Variants in GPRC5B observed in about 807,000 individuals in gnomAD.
GPRC5B encodes the protein G protein-coupled receptor family C group 5 member B.
A neutral mutation model predicts 30.1 loss-of-function variants in GPRC5B; 16 were observed. That is an observed-to-expected ratio of 0.53 (90% CI 0.36 to 0.81). The LOEUF (loss-of-function observed/expected upper bound fraction) is 0.81, where lower values mean the gene tolerates loss of function less well. Among genes scored for constraint, GPRC5B ranks in the 30% least tolerant of loss-of-function variants. The probability of loss-of-function intolerance (pLI) is 0.01; values close to 1 mark genes in which losing one functional copy is unlikely to be tolerated. For synonymous variants in GPRC5B, 241 were observed against 239.5 expected (o/e 1.01, Z -0.06); for missense variants, 428 against 544.7 (o/e 0.79, Z 2.13).
rs1223160296 is a variant in GPRC5B, at chr16:19,872,357, C to A, written c.489G>T (p.Val163=). 9.9e-6 allele frequency: 16 copies of A among 1,613,714 alleles called. 1 individual carries two copies. The South Asian group carries it at 1.5e-4, about 16-fold the overall frequency. ...HGTGPAGWQL[V]GLALCLMLVQ... ...CCAGCATCAGGCACAGCGCCAGGCC[C>A]ACCAGCTGCCAGCCCGCGGGGCCCG... Residue 163 remains valine (V), a synonymous_variant, in exon 2 of 4, where the codon GTG becomes GTT. Transcript: ENST00000300571. The surrounding 1 kb of genome is among the most constrained non-coding windows in gnomAD (Gnocchi z 5.0).
intron 1 of GPRC5B, among the ~76,000 whole-genome samples, chr16:19,880,323 C>T (rs900594553): frequency 1.3e-5 from 2 of 151,154 alleles, no homozygotes; most frequent in Non-Finnish European, 2.9e-5. Flanking sequence ...GGTTTCCAAG[C>T]TCATGCCTGT....
intron 1 of GPRC5B, among the ~76,000 whole-genome samples, chr16:19,880,139 TAATAATAATAAAATAAAATA>T (rs1462489324): frequency 1.3e-5 from 2 of 151,162 alleles, no homozygotes; most frequent in African/African-American, 2.4e-5. Context: ...GCTCAAAATA[TAATAATAATAAAATAAAATA>T]AATAATAATA....
Position 19,859,719 on chromosome 16 carries a change from A to G in GPRC5B, c.*781T>C, listed in dbSNP as rs1433551426. ...GGCGAGATGATCAAGGGAAGAAGGG[A>G]CTGCTGCCCCAAGCCAGAATATTTC... On this transcript the variant is annotated 3_prime_UTR_variant, in exon 4 of 4. Transcript: ENST00000300571. 2 of 152,714 alleles carry G rather than the reference A, an allele frequency of 1.3e-5. No individual in the cohort carries two copies. Among genetic ancestry groups the G allele is most frequent in the Admixed American group, 1.3e-4 (2 of 15,280 alleles). 9.5% of individuals were successfully genotyped at this position (152,714 alleles called of 1,614,324 possible). A position where few individuals can be genotyped will look rare whatever the true frequency, so the allele number is the denominator to read the frequency against.
chr16:19,872,054 C>T lies in GPRC5B; in HGVS notation c.792G>A (p.Gly264=). ...YLFGNVKLQQ[G]DAWNDPTLAI... ...CCAAGGTGGGGTCGTTCCAGGCATC[C>T]CCCTGCTGCAGCTTGACATTGCCGA... is the stretch of plus-strand genomic sequence containing the variant. Residue 264 remains glycine, a synonymous_variant, in exon 2 of 4, where the codon GGG becomes GGA. Coordinates refer to ENST00000300571, the MANE Select transcript of GPRC5B (RefSeq NM_016235.3). The surrounding 1 kb of genome is among the most constrained non-coding windows in gnomAD (Gnocchi z 5.0). 6.2e-7 allele frequency: 1 copy of T among 1,614,024 alleles called. No individual in the cohort carries two copies. The highest frequency in any genetic ancestry group is 1.3e-5 in the African/African-American group (1 of 75,032).
intron 2 of GPRC5B, among the ~76,000 whole-genome samples, chr16:19,870,757 G>A (rs765368344): frequency 3.8e-4 from 58 of 152,166 alleles, no homozygotes; most frequent in Non-Finnish European, 7.5e-4. Context: ...AATAGAGAGC[G>A]GTAGAGAGTG....
chr16:19,878,194 G>A (rs911016356), intron 1 of GPRC5B, among the ~76,000 whole-genome samples: 6 of 106,274 alleles, frequency 5.6e-5, no homozygotes, highest in African/African-American at 8.5e-5. Flanking sequence ...GTGAGACTCC[G>A]TCTTAAAAAC....
intron 2 of GPRC5B, among the ~76,000 whole-genome samples, chr16:19,870,425 T>G (rs560827209): frequency 6.6e-6 from 1 of 152,350 alleles, no homozygotes; most frequent in Admixed American, 6.5e-5. Context: ...TTGTACTCAC[T>G]GTGTTCCTTC....
At position 19,872,393 on chromosome 16, in the gene GPRC5B, C is replaced by T. The variant is rs1231039565; in HGVS notation, c.453G>A (p.Val151=). The T allele has an allele frequency of 6.2e-7, 1 of 1,613,504 alleles. No homozygotes were observed. Among genetic ancestry groups the T allele is most frequent in the South Asian group, 1.1e-5 (1 of 91,036 alleles). Residue 151 remains valine, a synonymous_variant, in exon 2 of 4, where the codon GTG becomes GTA. Transcript: ENST00000300571. This position sits in a 1 kb window ranked among gnomAD's most constrained non-coding sequence, Gnocchi z 5.0. ...LSQAWRVRRL[V]RHGTGPAGWQ... ...AGCCCGCGGGGCCCGTGCCATGCCGCACCAGCCTCCGCACGCGCCATGCCT... is the reference window on the plus strand; with the variant it reads ...AGCCCGCGGGGCCCGTGCCATGCCGTACCAGCCTCCGCACGCGCCATGCCT...
intron 2 of GPRC5B, chr16:19,862,485 T>C (rs2056634429): frequency 6.6e-6 from 1 of 152,380 alleles, no homozygotes; most frequent in Admixed American, 6.5e-5. Context: ...CAAGATGGCA[T>C]GTCGGCACTT....
At chr16:19,865,353 T>A (rs988846016) in intron 2 of GPRC5B, among the ~76,000 whole-genome samples, 8 of 152,206 alleles carry the variant, frequency 5.3e-5, no homozygotes, top group African/African-American at 1.7e-4. Flanking sequence ...TCCACTGGTC[T>A]ACCTTTCTGG....
At position 19,858,495 on chromosome 16, in the gene GPRC5B, G is replaced by C. The variant is rs2056592271; in HGVS notation, c.*2005C>G. ...TGTGAATTGCTCCATCGTGTGAATG[G>C]TATCAGAAAGCTCCAAAGGACTCCA... On this transcript the variant is annotated 3_prime_UTR_variant, in exon 4 of 4. Coordinates refer to ENST00000300571, the MANE Select transcript of GPRC5B (RefSeq NM_016235.3). The C allele has an allele frequency of 1.4e-6, 1 of 693,938 alleles. No individual in the cohort carries two copies. The highest frequency in any genetic ancestry group is 1.8e-5 in the African/African-American group (1 of 56,816). 43.0% of individuals were successfully genotyped at this position (693,938 alleles called of 1,614,324 possible). A position where few individuals can be genotyped will look rare whatever the true frequency, so the allele number is the denominator to read the frequency against.
chr16:19,872,163 C>G lies in GPRC5B; in HGVS notation c.683G>C (p.Arg228Thr), dbSNP rs1448419170. Reference protein sequence around the residue: ...ALFTLCGKFKRWKLNGAFLLI... With the variant: ...ALFTLCGKFKTWKLNGAFLLI... ...GAGGAAGGCCCCGTTCAGCTTCCAC[C>G]TCTTGAACTTGCCGCACAGAGTGAA... is the stretch of plus-strand genomic sequence containing the variant. The change falls in exon 2 of 4, where the codon AGG (arginine) becomes ACG (threonine). Residue 228 changes from arginine to threonine, a missense_variant. Arg to Thr is a moderately conservative substitution (Grantham distance 71). Coordinates refer to ENST00000300571, the MANE Select transcript of GPRC5B (RefSeq NM_016235.3). This position sits in a 1 kb window ranked among gnomAD's most constrained non-coding sequence, Gnocchi z 5.0. The G allele has an allele frequency of 6.2e-7, 1 of 1,614,160 alleles. No homozygotes were observed. The highest frequency in any genetic ancestry group is 1.1e-5 in the South Asian group (1 of 91,070).
In GPRC5B at chr16:19,871,968, T is replaced by C. The variant is rs2056723531; in HGVS notation, c.878A>G (p.His293Arg). 2.5e-6 allele frequency: 4 copies of C among 1,613,858 alleles called. No homozygotes were observed. Among genetic ancestry groups the C allele is most frequent in the Non-Finnish European group, 3.4e-6 (4 of 1,179,994 alleles). The change falls in exon 2 of 4, where the codon CAC becomes CGC. Residue 293 changes from histidine to arginine, a missense_variant. His to Arg is a conservative substitution (Grantham distance 29). This residue lies in a region of GPRC5B where 213 missense variants were observed against 229.1 expected (regional missense o/e 0.93). Transcript: ENST00000300571. ...CTGCAGGGCTGGCAGAAGGGTGCAGTGGATCTCAGGGATGGCGTGGAAGAT... is the reference window on the plus strand; with the variant it reads ...CTGCAGGGCTGGCAGAAGGGTGCAGCGGATCTCAGGGATGGCGTGGAAGAT... ...FVIFHAIPEI[H>R]CTLLPALQEN...
chr16:19,883,813 G>A (rs1422742805), intron 1 of GPRC5B, among the ~76,000 whole-genome samples: 2 of 152,244 alleles, frequency 1.3e-5, no homozygotes, highest in African/African-American at 4.8e-5. Flanking sequence ...GAGTGAACCC[G>A]CTGCACGGGG....
chr16:19,863,927 G>C (rs975781339), intron 2 of GPRC5B, among the ~76,000 whole-genome samples: 4 of 151,872 alleles, frequency 2.6e-5, no homozygotes, highest in Non-Finnish European at 4.4e-5. Flanking sequence ...TCCTGAAACC[G>C]CCCCCCAACC....
intron 1 of GPRC5B, among the ~76,000 whole-genome samples, chr16:19,884,326 A>G (rs976746460): frequency 6.7e-6 from 1 of 149,972 alleles, no homozygotes; most frequent in Admixed American, 6.6e-5. Context: ...TCAGCCCCCA[A>G]CGCGGCCCCA....
chr16:19,870,815 A>G (rs1026127936), intron 2 of GPRC5B, among the ~76,000 whole-genome samples: 1 of 152,224 alleles, frequency 6.6e-6, no homozygotes, highest in Non-Finnish European at 1.5e-5. Context: ...CCACAAGTCC[A>G]GGAGGGGCCA....
In GPRC5B at chr16:19,863,252, G is replaced by A. The variant is rs186554377; in HGVS notation, c.1031-1279C>T. ...AGCTCACTGCAGCCTTGAACTCCCA[G>A]GCTCAAGTGGTCCTCCTGCCTCAAC... On this transcript the variant is annotated intron_variant, in intron 2 of 3. Transcript: ENST00000300571. 1.1e-4 allele frequency among the ~76,000 whole-genome samples: 16 copies of A among 151,654 alleles called. 1 individual carries two copies. The East Asian group carries it at 3.1e-3, about 30-fold the overall frequency.
At chr16:19,860,608 C>T (rs1309540220) in intron 3 of GPRC5B, 64 bp from the exon 4 acceptor site, 1 of 1,044,206 alleles carries the variant, frequency 9.6e-7, no homozygotes, top group Non-Finnish European at 1.5e-6. Context: ...ACACTAGAAA[C>T]CGATGCGTAA....
Sources: allele counts gnomAD v4.1 joint callset (sites outside exome capture counted in the v4.1 genomes callset), GRCh38; gene constraint gnomAD v4.1.1; regional missense constraint gnomAD v4.1.1; non-coding constraint Gnocchi (gnomAD v3.1); transcripts MANE v1.5; gene names NCBI Gene and HGNC (gene_info 2026-07-23, HGNC 2026-07-21).